The following VPS13C variants were observed in gnomAD, a reference collection of about 807,000 sequenced individuals.
VPS13C encodes the protein intermembrane lipid transfer protein VPS13C.
A neutral mutation model predicts 456.8 loss-of-function variants in VPS13C; 358 were observed. That is an observed-to-expected ratio of 0.78 (90% CI 0.72 to 0.86). The LOEUF (loss-of-function observed/expected upper bound fraction) is 0.86. Among genes scored for constraint, VPS13C ranks in the 40% least tolerant of loss-of-function variants. The pLI, the probability that VPS13C is intolerant of heterozygous loss-of-function variation, is 0.00. For synonymous variants in VPS13C, 1,578 were observed against 1,486.7 expected (o/e 1.06, Z -1.41); for missense variants, 4,818 against 4,385.4 (o/e 1.10, Z -2.79).
In VPS13C at chr15:61,962,417, C is replaced by G; in HGVS notation, c.3557G>C (p.Gly1186Ala). Residue 1186 changes from glycine (G) to alanine (A), a missense_variant, in exon 34 of 85, where the codon GGC becomes GCC. Gly to Ala is a moderately conservative substitution (Grantham distance 60). This residue lies in a region of VPS13C where 4,552 missense variants were observed against 4,130.6 expected (regional missense o/e 1.10). Coordinates refer to ENST00000644861, the MANE Select transcript of VPS13C (RefSeq NM_020821.3). ...ATGAAGATAGACAATCTGAATACAGCCAACATTCAGAGACAGCACACCATC... is the reference window on the plus strand; with the variant it reads ...ATGAAGATAGACAATCTGAATACAGGCAACATTCAGAGACAGCACACCATC... The part of the protein sequence containing the change: ...KVDGVLSLNV[G>A]CIQIVYLHKF... The G allele has an allele frequency of 1.2e-6, 2 of 1,605,182 alleles. No individual in the cohort carries two copies. The highest frequency in any genetic ancestry group is 1.7e-6 in the Non-Finnish European group (2 of 1,174,966).
intron 67 of VPS13C, among the ~76,000 whole-genome samples, 176 bp from the exon 68 acceptor site, chr15:61,884,445 G>A (rs1896117838): frequency 6.6e-6 from 1 of 151,998 alleles, no homozygotes; most frequent in African/African-American, 2.4e-5. Context: ...AAAAGAGGCA[G>A]GCAAGAAAAT....
chr15:61,939,963 C>G (rs2044361097), intron 47 of VPS13C, among the ~76,000 whole-genome samples: 1 of 149,992 alleles, frequency 6.7e-6, no homozygotes, highest in Non-Finnish European at 1.5e-5. Flanking sequence ...CACTGCACTC[C>G]AGCCTAGGCC....
intron 47 of VPS13C, among the ~76,000 whole-genome samples, chr15:61,939,760 C>T (rs1017787838): frequency 6.6e-6 from 1 of 152,076 alleles, no homozygotes; most frequent in Non-Finnish European, 1.5e-5. Flanking sequence ...TTTGGGAGGC[C>T]GAGGAGGGTG....
At position 61,873,385 on chromosome 15, in the gene VPS13C, C is replaced by T. The variant is rs1895174018; in HGVS notation, c.10439G>A (p.Arg3480Gln). The T allele has an allele frequency of 1.2e-6, 2 of 1,613,466 alleles. No homozygotes were observed. The highest frequency in any genetic ancestry group is 1.7e-6 in the Non-Finnish European group (2 of 1,179,654). Residue 3480 changes from arginine to glutamine, a missense_variant, in exon 78 of 85, where the codon CGA becomes CAA. By Grantham distance (43) the Arg-to-Gln change is conservative (BLOSUM62 1). This residue lies in a region of VPS13C where 4,552 missense variants were observed against 4,130.6 expected (regional missense o/e 1.10). Coordinates refer to ENST00000644861, the MANE Select transcript of VPS13C (RefSeq NM_020821.3). ...ACCTTTCCCAACAGAACCGGTGATT[C>T]GAGATACAACTCCTGCTGCACCACC... ...TVGGAAGVVS[R>Q]ITGSVGKGLA...
chr15:62,035,886 T>C (rs1167293596), intron 3 of VPS13C, among the ~76,000 whole-genome samples: 2 of 152,022 alleles, frequency 1.3e-5, no homozygotes, highest in Admixed American at 6.6e-5. Flanking sequence ...TTTGGGGTTT[T>C]ATGGGGGAAA....
At chr15:61,936,028 T>C (rs2044216300) in intron 48 of VPS13C, among the ~76,000 whole-genome samples, 1 of 152,212 alleles carries the variant, frequency 6.6e-6, no homozygotes, top group African/African-American at 2.4e-5. Context: ...AGTGAAATTA[T>C]ATGTAATATA....
chr15:61,882,442 T>C (rs183936008), intron 69 of VPS13C, among the ~76,000 whole-genome samples, 154 bp downstream of exon 69: 5 of 152,106 alleles, frequency 3.3e-5, no homozygotes, highest in African/African-American at 1.2e-4. Context: ...AAGTAAGATG[T>C]TAAATAAACA....
At chr15:62,029,993 T>A (rs1401655741) in intron 5 of VPS13C, among the ~76,000 whole-genome samples, 2 of 152,158 alleles carry the variant, frequency 1.3e-5, no homozygotes. Context: ...GAATTAAACA[T>A]AGACGAGCAA....
In VPS13C at chr15:61,858,946, G is replaced by A. The variant is rs113549061; in HGVS notation, c.10953-2537C>T. On this transcript the variant is annotated intron_variant, in intron 82 of 84. Transcript: ENST00000644861. This position sits in a 1 kb window ranked among gnomAD's most constrained non-coding sequence, Gnocchi z 4.4. ...TCTCTTCCAGTATAACATCCAAACC[G>A]CCAAGGATCTTTTAAAACTACAAGC... Among the ~76,000 whole-genome samples, 46 of 152,206 alleles carry A rather than the reference G, an allele frequency of 3.0e-4. No homozygotes were observed. The highest frequency in any genetic ancestry group is 1.1e-3 in the African/African-American group (44 of 41,522).
intron 1 of VPS13C, among the ~76,000 whole-genome samples, chr15:62,057,945 T>C (rs1359237328): frequency 3.3e-5 from 5 of 152,214 alleles, no homozygotes; most frequent in Non-Finnish European, 7.3e-5. Context: ...TTGATGGCAA[T>C]GGAACCTCTG....
At chr15:61,911,635 T>C (rs1487609022) in intron 63 of VPS13C, among the ~76,000 whole-genome samples, 1 of 152,214 alleles carries the variant, frequency 6.6e-6, no homozygotes. Flanking sequence ...AAAAAGACTA[T>C]TAATGATCTA....
chr15:62,005,683 TA>T (rs1294621006), intron 15 of VPS13C, among the ~76,000 whole-genome samples: 2 of 151,878 alleles, frequency 1.3e-5, no homozygotes, highest in Non-Finnish European at 2.9e-5. Context: ...GTTTAGTGCT[TA>T]TTTTTTTTAT....
chr15:61,941,254 C>G (rs1452271741), intron 46 of VPS13C, among the ~76,000 whole-genome samples: 1 of 152,140 alleles, frequency 6.6e-6, no homozygotes, highest in African/African-American at 2.4e-5. Flanking sequence ...AATAGTCATT[C>G]CAGCTTGCCT....
intron 1 of VPS13C, among the ~76,000 whole-genome samples, chr15:62,050,990 T>C (rs1596538420): frequency 1.3e-5 from 2 of 151,734 alleles, no homozygotes; most frequent in East Asian, 3.9e-4. Context: ...GCTAGTGTAT[T>C]TATGAATAAA....
Position 61,962,805 on chromosome 15 carries a change from C to A in VPS13C, c.3379G>T (p.Ala1127Ser), listed in dbSNP as rs1259444479. The change falls in exon 33 of 85, where the codon GCC becomes TCC. Residue 1127 changes from alanine (A) to serine (S), a missense_variant. This residue lies in a region of VPS13C where 4,552 missense variants were observed against 4,130.6 expected (regional missense o/e 1.10). Coordinates refer to ENST00000644861, the MANE Select transcript of VPS13C (RefSeq NM_020821.3). The stretch of plus-strand genomic sequence containing the variant: ...GTGACAATAATATTTTCTAGTCGGG[C>A]AAAAAGTGACTGCTTTCTTGACTGG... Reference protein sequence around the residue: ...SLQSRKQSLFARLENIIVTDV... With the variant: ...SLQSRKQSLFSRLENIIVTDV... 1.9e-6 allele frequency: 3 copies of A among 1,606,648 alleles called. No individual in the cohort carries two copies. Among genetic ancestry groups the A allele is most frequent in the East Asian group, 2.2e-5 (1 of 44,644 alleles).
Position 61,867,399 on chromosome 15 carries a change from T to C in VPS13C, c.10863+1260A>G. ...TGTGCCAACTATTTATTACTTGAGG[T>C]CTAAGGGCAGGCTCAGAGCAACTGA... On this transcript the variant is annotated intron_variant, in intron 81 of 84. Transcript: ENST00000644861. The surrounding 1 kb of genome is among the most constrained non-coding windows in gnomAD (Gnocchi z 5.0). 1.0e-6 allele frequency: 1 copy of C among 985,710 alleles called. No individual in the cohort carries two copies. Among genetic ancestry groups the C allele is most frequent in the Non-Finnish European group, 1.2e-6 (1 of 830,218 alleles). 61.1% of individuals were successfully genotyped at this position (985,710 alleles called of 1,614,324 possible).
Position 61,875,852 on chromosome 15 carries a change from A to C in VPS13C, c.10225-7T>G. 6.5e-7 allele frequency: 1 copy of C among 1,548,540 alleles called. No homozygotes were observed. The highest frequency in any genetic ancestry group is 8.7e-7 in the Non-Finnish European group (1 of 1,149,928). On this transcript the variant is annotated splice_polypyrimidine_tract_variant and splice_region_variant and intron_variant, in intron 75 of 84. Coordinates refer to ENST00000644861, the MANE Select transcript of VPS13C (RefSeq NM_020821.3). ...CATACATCTGTTTCAAGAACTAAAAAAGAAAAAAAATTAAATTAAGTCCTT... is the reference window on the plus strand; with the variant it reads ...CATACATCTGTTTCAAGAACTAAAACAGAAAAAAAATTAAATTAAGTCCTT...
intron 15 of VPS13C, among the ~76,000 whole-genome samples, chr15:62,003,960 AGGATATT>A (rs1379207180): frequency 6.6e-6 from 1 of 151,752 alleles, no homozygotes; most frequent in Non-Finnish European, 1.5e-5. Context: ...ATGTTCATCA[AGGATATT>A]GGTCTAAAAT....
chr15:61,991,541 C>T (rs1181190092), intron 17 of VPS13C, 132 bp downstream of exon 17: 3 of 949,230 alleles, frequency 3.2e-6, no homozygotes, highest in Non-Finnish European at 4.3e-6. Flanking sequence ...GATGTATTTG[C>T]TTATATATTT....
Sources: gnomAD v4.1 joint callset for allele counts (sites outside exome capture counted in the v4.1 genomes callset) on GRCh38, gnomAD v4.1.1 for gene constraint, gnomAD v4.1.1 regional missense constraint, Gnocchi (gnomAD v3.1) non-coding constraint, MANE v1.5 for transcripts, NCBI Gene and HGNC (gene_info 2026-07-23, HGNC 2026-07-21) for gene names.